GPHN: variants seen among roughly 807,000 people sequenced by gnomAD.
The protein encoded by GPHN is gephyrin.
In GPHN, 17 loss-of-function variants were observed where a neutral mutation model predicts 95.5. The observed-to-expected ratio is 0.18, with a 90% confidence interval of 0.12 to 0.27. The LOEUF is 0.27. Among genes scored for constraint, GPHN ranks in the 10% least tolerant of loss-of-function variants. GPHN has a pLI of 1.00. For synonymous variants in GPHN, 320 were observed against 322.5 expected (o/e 0.99, Z 0.08); for missense variants, 660 against 978.1 (o/e 0.67, Z 4.34).
the GPHN span, among the ~76,000 whole-genome samples, chr14:67,631,430 CTTTCTTTTTTTTT>C: frequency 7.8e-6 from 1 of 128,490 alleles, no homozygotes; most frequent in African/African-American, 3.3e-5. Context: ...TCCTTTCTTT[CTTTCTTTTTTTTT>C]TTTTTTTTTT....
the GPHN span, among the ~76,000 whole-genome samples, chr14:67,318,299 T>C: frequency 6.6e-6 from 1 of 151,910 alleles, no homozygotes; most frequent in African/African-American, 2.4e-5. Context: ...AAAAGCTAAA[T>C]GAGGTTTGAT....
intron 4 of GPHN, among the ~76,000 whole-genome samples, chr14:66,833,282 G>T (rs2061652138): frequency 6.6e-6 from 1 of 152,034 alleles, no homozygotes; most frequent in African/African-American, 2.4e-5. Context: ...AGCAACAGGG[G>T]GAAAAGCCCC....
chr14:67,334,441 T>TAAAC, the GPHN span: 9 of 152,664 alleles, frequency 5.9e-5, no homozygotes, highest in African/African-American at 1.4e-4. Flanking sequence ...TACCCAGAGC[T>TAAAC]AAACACTGGA....
chr14:66,663,771 A>G (rs1006649546), intron 1 of GPHN, among the ~76,000 whole-genome samples: 15 of 152,228 alleles, frequency 9.9e-5, no homozygotes, highest in Non-Finnish European at 2.2e-4. Flanking sequence ...ATAGGCTCAA[A>G]AAAGGATGGA....
intron 1 of GPHN, among the ~76,000 whole-genome samples, chr14:66,649,355 AG>A (rs2064925997): frequency 6.6e-6 from 1 of 151,678 alleles, no homozygotes; most frequent in African/African-American, 2.4e-5. Flanking sequence ...AACAAAAACA[AG>A]CAGGGGTCCC....
the GPHN span, chr14:67,571,538 G>A: frequency 2.0e-6 from 1 of 506,980 alleles, no homozygotes; most frequent in East Asian, 3.0e-5. Flanking sequence ...GGGGACCACA[G>A]AAGATGGTGT....
At chr14:67,620,239 C>T in the GPHN span, 1 of 274,280 alleles carries the variant, frequency 3.6e-6, no homozygotes, top group Non-Finnish European at 7.2e-6. Flanking sequence ...TACTGGGCAC[C>T]GTGGGAGCAT....
intron 2 of GPHN, among the ~76,000 whole-genome samples, chr14:66,723,104 T>C (rs747017244): frequency 6.6e-6 from 1 of 152,108 alleles, no homozygotes; most frequent in African/African-American, 2.4e-5. Context: ...CCAGGCTTGA[T>C]TGCAGTGGCA....
chr14:67,262,870 A>G, the GPHN span, among the ~76,000 whole-genome samples: 5 of 152,186 alleles, frequency 3.3e-5, no homozygotes, highest in Admixed American at 3.3e-4. Context: ...CAGCAAAGCC[A>G]TATTGCAGGT....
At chr14:67,203,807 G>A in the GPHN span, among the ~76,000 whole-genome samples, 1 of 152,200 alleles carries the variant, frequency 6.6e-6, no homozygotes, top group Non-Finnish European at 1.5e-5. Flanking sequence ...CCACCTCCCA[G>A]TTCAAGCGAT....
At chr14:67,651,042 TC>T in the GPHN span, 5 of 1,122,980 alleles carry the variant, frequency 4.5e-6, no homozygotes, top group Non-Finnish European at 6.4e-6. Flanking sequence ...ATTTACACAT[TC>T]TCACAATTGT....
chr14:67,719,705 T>C, the GPHN span, among the ~76,000 whole-genome samples: 21 of 152,324 alleles, frequency 1.4e-4, no homozygotes, highest in South Asian at 3.7e-3. Context: ...CTTGAACTTC[T>C]GGTCTCACGT....
chr14:67,109,172 A>G lies in GPHN; in HGVS notation c.1294-968A>G, dbSNP rs184210762. 2.0e-4 allele frequency among the ~76,000 whole-genome samples: 31 copies of G among 152,364 alleles called. 1 individual carries two copies. Among genetic ancestry groups the G allele is most frequent in the Admixed American group, 1.8e-3 (28 of 15,308 alleles). On this transcript the variant is annotated intron_variant, in intron 13 of 22. Transcript: ENST00000478722. The stretch of plus-strand genomic sequence containing the variant: ...GAAAATATGGTAATCTTATAGGACC[A>G]CCATCATATATGCAGTCCAACATTG...
intron 8 of GPHN, among the ~76,000 whole-genome samples, chr14:66,950,310 A>G (rs755957730): frequency 6.6e-6 from 1 of 152,184 alleles, no homozygotes; most frequent in Non-Finnish European, 1.5e-5. Context: ...TGCTCAAGGT[A>G]GATCCTCACT....
At chr14:67,129,436 T>C (rs1394966908) in intron 17 of GPHN, among the ~76,000 whole-genome samples, 2 of 152,176 alleles carry the variant, frequency 1.3e-5, no homozygotes, top group African/African-American at 4.8e-5. Flanking sequence ...TATTTTGTAA[T>C]ACAACAAAAG....
chr14:67,674,366 C>G, the GPHN span: 1 of 1,585,364 alleles, frequency 6.3e-7, no homozygotes, highest in South Asian at 1.1e-5. Flanking sequence ...TGGCCCACCC[C>G]CGCCTCACCG....
At chr14:66,974,248 A>G (rs942768890) in intron 9 of GPHN, among the ~76,000 whole-genome samples, 1 of 152,204 alleles carries the variant, frequency 6.6e-6, no homozygotes, top group Admixed American at 6.5e-5. Context: ...AAATTACACA[A>G]TAAAGCATTT....
chr14:66,559,264 T>A (rs1407086848), intron 1 of GPHN, among the ~76,000 whole-genome samples: 1 of 151,666 alleles, frequency 6.6e-6, no homozygotes, highest in African/African-American at 2.4e-5. Flanking sequence ...AGTAATGGGA[T>A]GGCTGGGTCA....
At chr14:66,834,259 A>G (rs2061699795) in intron 4 of GPHN, among the ~76,000 whole-genome samples, 1 of 152,190 alleles carries the variant, frequency 6.6e-6, no homozygotes, top group South Asian at 2.1e-4. Context: ...TACCAGGCAC[A>G]GACTTACCCA....
Sources: allele counts gnomAD v4.1 joint callset (sites outside exome capture counted in the v4.1 genomes callset), GRCh38; gene constraint gnomAD v4.1.1; transcripts MANE v1.5; gene names NCBI Gene and HGNC (gene_info 2026-07-23, HGNC 2026-07-21).